Variants in CEP192 observed in about 807,000 individuals in gnomAD.
The protein encoded by CEP192 is centrosomal protein 192, also known as centrosomal protein of 192 kDa.
In CEP192, 151 loss-of-function variants were observed where a neutral mutation model predicts 271.8. That is an observed-to-expected ratio of 0.56 (90% confidence interval 0.49 to 0.64). The LOEUF (loss-of-function observed/expected upper bound fraction) is 0.64, where lower values mean the gene tolerates loss of function less well. CEP192 is among the 30% of genes least tolerant of loss of function. The probability of loss-of-function intolerance (pLI) is 0.00; values close to 1 mark genes in which losing one functional copy is unlikely to be tolerated. For missense variants in CEP192, 2,910 were observed against 3,020.5 expected (o/e 0.96, Z 0.86); for synonymous variants, 995 against 1,076.5 (o/e 0.92, Z 1.48).
chr18:12,999,003 A>G (rs1419542973), intron 1 of CEP192, among the ~76,000 whole-genome samples: 1 of 152,178 alleles, frequency 6.6e-6, no homozygotes, highest in Admixed American at 6.5e-5. Context: ...TGCTGGTTGT[A>G]CTTTTTCTGT....
chr18:13,085,346 G>A (rs2038847531), intron 30 of CEP192, among the ~76,000 whole-genome samples: 1 of 151,766 alleles, frequency 6.6e-6, no homozygotes, highest in East Asian at 1.9e-4. Flanking sequence ...CATTCTATAG[G>A]TTACCTATTC....
intron 24 of CEP192, 36 bp downstream of exon 24, chr18:13,068,458 C>G: frequency 6.9e-7 from 1 of 1,458,308 alleles, no homozygotes; most frequent in East Asian, 2.3e-5. Context: ...TTGCTTTAAT[C>G]TGTAGCTAGA....
intron 17 of CEP192, among the ~76,000 whole-genome samples, chr18:13,052,203 T>C (rs2036833803): frequency 6.6e-6 from 1 of 152,228 alleles, no homozygotes; most frequent in African/African-American, 2.4e-5. Context: ...GACTCACTAT[T>C]TGTCACTTCC....
chr18:13,071,127 T>C lies in CEP192; in HGVS notation c.5263T>C (p.Ser1755Pro). 6.2e-7 allele frequency: 1 copy of C among 1,614,116 alleles called. No individual in the cohort carries two copies. The highest frequency in any genetic ancestry group is 8.5e-7 in the Non-Finnish European group (1 of 1,179,952). Residue 1755 changes from serine to proline, a missense_variant, in exon 28 of 45, where the codon TCA (serine) becomes CCA (proline). Physicochemically the swap from Ser to Pro is moderately conservative, Grantham distance 74 (BLOSUM62 -1). Coordinates refer to ENST00000506447, the MANE Select transcript of CEP192 (RefSeq NM_032142.4). ...EVISSGSKPL[S>P]PGPCLDIPSI... ...CATTTCTTCAGGAAGTAAACCTCTGTCACCTGGACCTTGCTTAGATATTCC... is the reference window on the plus strand; with the variant it reads ...CATTTCTTCAGGAAGTAAACCTCTGCCACCTGGACCTTGCTTAGATATTCC...
intron 3 of CEP192, among the ~76,000 whole-genome samples, chr18:13,005,814 C>T (rs2033946457): frequency 6.6e-6 from 1 of 152,176 alleles, no homozygotes; most frequent in Admixed American, 6.5e-5. Flanking sequence ...TTCAAAATGT[C>T]TTTATTCTAA....
chr18:13,101,617 C>T (rs1178879623), intron 38 of CEP192, among the ~76,000 whole-genome samples: 3 of 152,090 alleles, frequency 2.0e-5, no homozygotes, highest in Non-Finnish European at 2.9e-5. Context: ...CTCTCACCTG[C>T]CCTCTAGCTC....
chr18:13,007,705 G>A (rs997350006), intron 3 of CEP192, among the ~76,000 whole-genome samples: 13 of 152,158 alleles, frequency 8.5e-5, no homozygotes, highest in African/African-American at 3.1e-4. Context: ...GTAAAGAGAT[G>A]GAGAAACTGG....
rs1259018014 is a variant in CEP192 at position 13,072,830 on chromosome 18, T to A, written c.5424T>A (p.Asp1808Glu). Residue 1808 changes from aspartate to glutamate, a missense_variant, in exon 29 of 45, where the codon GAT becomes GAA. Transcript: ENST00000506447. ...QHLRLLIRGQ[D>E]QDCFQLQNTF... ...TACGACTGCTTATTAGAGGACAAGATCAGGACTGCTTTCAGGTTCGTAGAG... is the reference window on the plus strand; with the variant it reads ...TACGACTGCTTATTAGAGGACAAGAACAGGACTGCTTTCAGGTTCGTAGAG... The A allele has an allele frequency of 6.2e-7, 1 of 1,611,326 alleles. No individual in the cohort carries two copies. The highest frequency in any genetic ancestry group is 8.5e-7 in the Non-Finnish European group (1 of 1,177,384).
At chr18:13,102,808 G>A (rs115171185) in intron 38 of CEP192, among the ~76,000 whole-genome samples, 5 of 152,218 alleles carry the variant, frequency 3.3e-5, no homozygotes, top group African/African-American at 7.2e-5. Context: ...GTTCTCCTGC[G>A]CGATGATGGC....
chr18:13,042,291 A>C lies in CEP192; in HGVS notation c.2024A>C (p.Asp675Ala), dbSNP rs1482665928. 6.2e-7 allele frequency: 1 copy of C among 1,614,080 alleles called. No individual in the cohort carries two copies. The highest frequency in any genetic ancestry group is 1.7e-5 in the Admixed American group (1 of 60,032). ...VEAVESTSQV[D>A]ENDVTLTADK... ...GCAGTAGAGAGTACTTCACAAGTGGATGAAAATGATGTGACGTTAACGGCT... is the reference window on the plus strand; with the variant it reads ...GCAGTAGAGAGTACTTCACAAGTGGCTGAAAATGATGTGACGTTAACGGCT... Residue 675 changes from aspartate to alanine, a missense_variant, in exon 15 of 45, where the codon GAT becomes GCT. Transcript: ENST00000506447.
In CEP192 at chr18:13,073,163, C is replaced by T. The variant is rs2038103594; in HGVS notation, c.5594C>T (p.Ser1865Leu). The T allele has an allele frequency of 6.2e-7, 1 of 1,609,528 alleles. No individual in the cohort carries two copies. The highest frequency in any genetic ancestry group is 8.5e-7 in the Non-Finnish European group (1 of 1,178,740). Reference protein sequence around the residue: ...RLEIKQLGNRSQPGIKFTIPL... With the variant: ...RLEIKQLGNRLQPGIKFTIPL... ...GAAATCAAACAACTTGGAAATCGAT[C>T]ACAACCAGGCATTAAGTTCACAGTA... is the stretch of plus-strand genomic sequence containing the variant. Residue 1865 changes from serine (S) to leucine (L), a missense_variant, in exon 30 of 45, where the codon TCA becomes TTA. Physicochemically the swap from Ser to Leu is moderately radical, Grantham distance 145. Transcript: ENST00000506447.
chr18:13,057,564 C>T, intron 19 of CEP192, 21 bp from the exon 20 acceptor site: 10 of 1,605,430 alleles, frequency 6.2e-6, no homozygotes, highest in Non-Finnish European at 8.5e-6. Context: ...GCATTTTTGA[C>T]TGTGCCTTAT....
chr18:13,000,965 C>A (rs1273314898), intron 2 of CEP192, among the ~76,000 whole-genome samples: 1 of 152,138 alleles, frequency 6.6e-6, no homozygotes, highest in Non-Finnish European at 1.5e-5. Context: ...GAAAAACCCC[C>A]AAAACTCAAC....
intron 33 of CEP192, among the ~76,000 whole-genome samples, chr18:13,091,770 GA>G (rs1183839154): frequency 1.3e-5 from 2 of 151,860 alleles, no homozygotes; most frequent in Non-Finnish European, 2.9e-5. Context: ...TGTTTATCTT[GA>G]ACACTCTTTC....
intron 9 of CEP192, among the ~76,000 whole-genome samples, chr18:13,025,154 T>C (rs1434069794): frequency 6.6e-6 from 1 of 152,174 alleles, no homozygotes; most frequent in Non-Finnish European, 1.5e-5. Context: ...TCTTGTTTTT[T>C]TCCCCTATTT....
chr18:13,084,945 A>G (rs1450390306), intron 30 of CEP192, among the ~76,000 whole-genome samples: 1 of 150,070 alleles, frequency 6.7e-6, no homozygotes, highest in Non-Finnish European at 1.5e-5. Context: ...CCTCCCAAGT[A>G]GCTGAGACTA....
At chr18:12,996,183 G>T (rs749290962) in intron 1 of CEP192, among the ~76,000 whole-genome samples, 40 of 151,192 alleles carry the variant, frequency 2.6e-4, no homozygotes, top group Non-Finnish European at 5.3e-4. Flanking sequence ...AGGAAGTGGT[G>T]GTGGCCTGAC....
intron 44 of CEP192, among the ~76,000 whole-genome samples, chr18:13,118,406 G>A (rs748663582): frequency 6.6e-6 from 1 of 152,132 alleles, no homozygotes; most frequent in Admixed American, 6.6e-5. Flanking sequence ...TAAGACCAGC[G>A]GTGCTGTACA....
chr18:13,119,904 C>T (rs565342966), intron 44 of CEP192, among the ~76,000 whole-genome samples: 2 of 152,298 alleles, frequency 1.3e-5, no homozygotes, highest in Admixed American at 6.5e-5. Flanking sequence ...TTAAAATAAA[C>T]GTGTCAAATT....
Sources: gnomAD v4.1 joint callset for allele counts (sites outside exome capture counted in the v4.1 genomes callset) on GRCh38, gnomAD v4.1.1 for gene constraint, MANE v1.5 for transcripts, NCBI Gene and HGNC (gene_info 2026-07-23, HGNC 2026-07-21) for gene names.